R3HDM1: variants seen among roughly 807,000 people sequenced by gnomAD.
R3HDM1 encodes the protein R3H domain-containing protein 1.
R3HDM1 carries 46 observed loss-of-function variants against 141.1 expected under a neutral mutation model. The ratio of observed to expected loss-of-function variants is 0.33; its 90% CI spans 0.26 to 0.42. The LOEUF (loss-of-function observed/expected upper bound fraction) is 0.42, where lower values mean the gene tolerates loss of function less well. R3HDM1 is among the 10% of genes least tolerant of loss of function. The probability of loss-of-function intolerance (pLI) is 1.00; values close to 1 mark genes in which losing one functional copy is unlikely to be tolerated. For missense variants in R3HDM1, 1,184 were observed against 1,368.3 expected, an observed-to-expected ratio of 0.87 and a Z score of 2.12; for synonymous variants, 435 against 472.9, an observed-to-expected ratio of 0.92 and a Z score of 1.04.
At chr2:135,627,928 T>C (rs2062213939) in intron 7 of R3HDM1, among the ~76,000 whole-genome samples, 1 of 152,212 alleles carries the variant, frequency 6.6e-6, no homozygotes. Context: ...TCTGGAATAA[T>C]GACTAGAACA....
At chr2:135,612,505 T>A (rs2060638489) in intron 3 of R3HDM1, among the ~76,000 whole-genome samples, 1 of 152,178 alleles carries the variant, frequency 6.6e-6, no homozygotes. Context: ...CTCCAAATTC[T>A]AGTAGCTGGT....
rs76636120 is a variant in R3HDM1 at position 135,539,960 on chromosome 2, G to A, written c.-250+8327G>A. Reference sequence around the variant, plus strand: ...CACTTCCTTTCATGGAAGATTTCTCGATAGCATGTGCTGCTATTTGAAAGC... The same window carrying A: ...CACTTCCTTTCATGGAAGATTTCTCAATAGCATGTGCTGCTATTTGAAAGC... On this transcript the variant is annotated intron_variant, in intron 1 of 26. Transcript: ENST00000683871. Among the ~76,000 whole-genome samples, 895 of 152,288 alleles carry A rather than the reference G, an allele frequency of 5.9e-3. 10 individuals are homozygous for A. The highest frequency in any genetic ancestry group is 0.033 in the South Asian group (158 of 4,828).
intron 21 of R3HDM1, among the ~76,000 whole-genome samples, chr2:135,682,135 A>G (rs968665730): frequency 1.3e-5 from 2 of 150,324 alleles, no homozygotes; most frequent in Non-Finnish European, 3.0e-5. Flanking sequence ...AGTAGGGTGA[A>G]ATGAGGAGTG....
At chr2:135,576,578 A>G (rs1256491920) in intron 1 of R3HDM1, among the ~76,000 whole-genome samples, 2 of 152,218 alleles carry the variant, frequency 1.3e-5, no homozygotes, top group East Asian at 3.9e-4. Context: ...AGCATTATTC[A>G]TAACAGCCAA....
chr2:135,598,208 A>G (rs2059350279), intron 1 of R3HDM1, among the ~76,000 whole-genome samples: 1 of 152,188 alleles, frequency 6.6e-6, no homozygotes, highest in South Asian at 2.1e-4. Flanking sequence ...CCTTATTGCC[A>G]CCCAAGTTTG....
intron 18 of R3HDM1, among the ~76,000 whole-genome samples, chr2:135,659,286 AG>A (rs1370292538): frequency 6.6e-6 from 1 of 151,930 alleles, no homozygotes; most frequent in African/African-American, 2.4e-5. Flanking sequence ...TTGTAGAGAT[AG>A]GGTTTCACCA....
chr2:135,550,193 G>A (rs1699568612), intron 1 of R3HDM1: 1 of 984,966 alleles, frequency 1.0e-6, no homozygotes. Flanking sequence ...TTTTGTGAGT[G>A]TTGATTTTCT....
intron 2 of R3HDM1, among the ~76,000 whole-genome samples, chr2:135,604,296 G>GGA (rs2044741442): frequency 6.6e-6 from 1 of 152,060 alleles, no homozygotes; most frequent in African/African-American, 2.4e-5. Context: ...AGCTATTATA[G>GGA]GTATCCCTTT....
intron 3 of R3HDM1, among the ~76,000 whole-genome samples, chr2:135,613,408 C>G (rs1448775133): frequency 6.6e-6 from 1 of 152,064 alleles, no homozygotes; most frequent in African/African-American, 2.4e-5. Context: ...TGACTTGCCC[C>G]CGTGCTCCCA....
intron 1 of R3HDM1, among the ~76,000 whole-genome samples, chr2:135,531,980 G>T (rs1244372440): frequency 1.3e-5 from 2 of 152,234 alleles, no homozygotes; most frequent in Admixed American, 6.5e-5. Context: ...GGAGGCAGGG[G>T]AAAGGTTTCC....
intron 1 of R3HDM1, among the ~76,000 whole-genome samples, chr2:135,533,164 C>G (rs747866711): frequency 6.6e-6 from 1 of 152,082 alleles, no homozygotes; most frequent in Non-Finnish European, 1.5e-5. Flanking sequence ...ATGAAAATTG[C>G]CAGTCATGTA....
chr2:135,646,808 A>G (rs1399206839), intron 16 of R3HDM1, among the ~76,000 whole-genome samples: 1 of 149,728 alleles, frequency 6.7e-6, no homozygotes, highest in Admixed American at 6.7e-5. Context: ...AGGCCACTCC[A>G]CTCCAGCCTG....
chr2:135,634,537 A>G (rs1490451676), intron 9 of R3HDM1, among the ~76,000 whole-genome samples: 1 of 152,172 alleles, frequency 6.6e-6, no homozygotes, highest in Non-Finnish European at 1.5e-5. Flanking sequence ...CCACCTACTC[A>G]GAAGGCTGAG....
At chr2:135,660,930 A>C (rs1175917518) in intron 18 of R3HDM1, among the ~76,000 whole-genome samples, 1 of 152,032 alleles carries the variant, frequency 6.6e-6, no homozygotes, top group Non-Finnish European at 1.5e-5. Context: ...CTGTATAGTA[A>C]AATCACCAAC....
rs544925349 is a variant in R3HDM1 at position 135,537,404 on chromosome 2, G to GC, written c.-250+5778dup. ...AGGTTCAAGTGATTCTCCTTCCTCA[G>GC]CCCCCCCAAGTAGCTGGGACTATAG... On this transcript the variant is annotated intron_variant, in intron 1 of 26. Coordinates refer to ENST00000683871, the MANE Select transcript of R3HDM1 (RefSeq NM_001378107.1). 1.1e-4 allele frequency among the ~76,000 whole-genome samples: 16 copies of GC among 143,906 alleles called. No individual in the cohort carries two copies. The South Asian group carries it at 1.8e-3, about 16-fold the overall frequency. 94.4% of individuals were successfully genotyped at this position (143,906 alleles called of 152,430 possible). A position where few individuals can be genotyped will look rare whatever the true frequency, so the allele number is the denominator to read the frequency against.
chr2:135,707,007 C>T (rs1195481014), intron 21 of R3HDM1, among the ~76,000 whole-genome samples: 1 of 151,926 alleles, frequency 6.6e-6, no homozygotes, highest in East Asian at 1.9e-4. Context: ...GGGCGGGGGG[C>T]TGACCCCCCC....
chr2:135,572,277 A>T (rs1396170629), intron 1 of R3HDM1, among the ~76,000 whole-genome samples: 1 of 152,236 alleles, frequency 6.6e-6, no homozygotes, highest in Non-Finnish European at 1.5e-5. Flanking sequence ...ATTTTAAAAA[A>T]TGATAAAGGA....
At chr2:135,668,977 G>C (rs563201082) in intron 19 of R3HDM1, 5 of 245,388 alleles carry the variant, frequency 2.0e-5, no homozygotes, top group Non-Finnish European at 2.6e-5. Context: ...ACAGAACTGT[G>C]GGATGTGGAA....
chr2:135,622,729 C>T lies in R3HDM1; in HGVS notation c.494C>T (p.Pro165Leu). Reference sequence around the variant, plus strand: ...TTAGTAAATACATTAAAAAACAATCCCAGGTAAAAATTAAATTTATAAGGT... The same window carrying T: ...TTAGTAAATACATTAAAAAACAATCTCAGGTAAAAATTAAATTTATAAGGT... The part of the protein sequence containing the change: ...EFLVNTLKNN[P>L]RDRMMLLKLE... Residue 165 changes from proline to leucine, a missense_variant, in exon 7 of 27, where the codon CCC becomes CTC. Around this residue, in one of 5 missense-constraint regions of R3HDM1, gnomAD observed 192 missense variants for 215.7 expected, o/e 0.89. Coordinates refer to ENST00000683871, the MANE Select transcript of R3HDM1 (RefSeq NM_001378107.1). 7 of 1,575,216 alleles carry T rather than the reference C, an allele frequency of 4.4e-6. No homozygotes were observed. The highest frequency in any genetic ancestry group is 6.1e-6 in the Non-Finnish European group (7 of 1,154,474).
Sources: allele counts gnomAD v4.1 joint callset (sites outside exome capture counted in the v4.1 genomes callset), GRCh38; gene constraint gnomAD v4.1.1; regional missense constraint gnomAD v4.1.1; transcripts MANE v1.5; gene names NCBI Gene and HGNC (gene_info 2026-07-23, HGNC 2026-07-21).